The following STYX variants were observed in gnomAD, a reference collection of about 807,000 sequenced individuals.
The protein encoded by STYX is serine/threonine/tyrosine-interacting protein.
STYX carries 20 observed loss-of-function variants against 42.7 expected under a neutral mutation model. The ratio of observed to expected loss-of-function variants is 0.47; its 90% CI spans 0.33 to 0.68. The LOEUF (loss-of-function observed/expected upper bound fraction) is 0.68, where lower values mean the gene tolerates loss of function less well. Ranked by LOEUF, STYX falls within the 30% of genes least tolerant of loss-of-function variation. The pLI is 0.02. For missense variants in STYX, 226 were observed against 268.5 expected, an observed-to-expected ratio of 0.84 and a Z score of 1.11; for synonymous variants, 78 against 81.9, an observed-to-expected ratio of 0.95 and a Z score of 0.26.
intron 4 of STYX, among the ~76,000 whole-genome samples, chr14:52,755,471 TA>T (rs1881826231): frequency 2.0e-5 from 3 of 152,148 alleles, no homozygotes; most frequent in Admixed American, 2.0e-4. Flanking sequence ...TGTTACCACC[TA>T]AATGATCATT....
rs1006567063 is a variant in STYX at position 52,773,683 on chromosome 14, A to G, written c.*2577A>G. ...CAAACCATGAAGTTTATTATTTCATATAAGAACATTACAGGTTTGTTTTTT... is the reference window on the plus strand; with the variant it reads ...CAAACCATGAAGTTTATTATTTCATGTAAGAACATTACAGGTTTGTTTTTT... On this transcript the variant is annotated 3_prime_UTR_variant, in exon 11 of 11. Transcript: ENST00000354586. The G allele has an allele frequency of 6.6e-6, 1 of 152,162 alleles. No homozygotes were observed. The highest frequency in any genetic ancestry group is 2.4e-5 in the African/African-American group (1 of 41,408). 9.4% of individuals were successfully genotyped at this position (152,162 alleles called of 1,614,324 possible). A position where few individuals can be genotyped will look rare whatever the true frequency, so the allele number is the denominator to read the frequency against.
intron 1 of STYX, 68 bp from the exon 2 acceptor site, chr14:52,744,784 A>G: frequency 6.9e-7 from 1 of 1,447,424 alleles, no homozygotes; most frequent in Non-Finnish European, 9.7e-7. Context: ...TGTGTGTCAC[A>G]TCTTTAGCCT....
At chr14:52,740,894 A>G (rs968444902) in intron 1 of STYX, among the ~76,000 whole-genome samples, 5 of 152,228 alleles carry the variant, frequency 3.3e-5, no homozygotes, top group Admixed American at 1.3e-4. Context: ...GGTTACATCT[A>G]TTTCCAGGCA....
chr14:52,768,824 C>T lies in STYX; in HGVS notation c.505-16C>T. On this transcript the variant is annotated splice_polypyrimidine_tract_variant and intron_variant, in intron 9 of 10. Coordinates refer to ENST00000354586, the MANE Select transcript of STYX (RefSeq NM_145251.4). ...GTAAATATATAATTAAGTTAATTAA[C>T]TTATTTTTTTTTTAGGAATATGAAG... The T allele has an allele frequency of 2.3e-6, 3 of 1,291,198 alleles. No homozygotes were observed. The South Asian group carries it at 4.5e-5, about 19-fold the overall frequency. The allele number at this position is 1,291,198 out of a possible 1,614,324, so 80.0% of individuals were successfully genotyped here.
intron 9 of STYX, among the ~76,000 whole-genome samples, chr14:52,766,023 G>T (rs1173782692): frequency 6.6e-6 from 1 of 152,064 alleles, no homozygotes; most frequent in South Asian, 2.1e-4. Context: ...TTTTGAGGGG[G>T]TCTCGCACTG....
At chr14:52,755,662 G>C (rs1881831850) in intron 4 of STYX, among the ~76,000 whole-genome samples, 1 of 148,348 alleles carries the variant, frequency 6.7e-6, no homozygotes, top group South Asian at 2.1e-4. Flanking sequence ...GTAAAATTCA[G>C]TACAGGTGCT....
At chr14:52,769,538 A>G (rs1882434453) in intron 10 of STYX, among the ~76,000 whole-genome samples, 1 of 152,170 alleles carries the variant, frequency 6.6e-6, no homozygotes. Context: ...AATTGAGGAC[A>G]GGTGATCTGA....
At chr14:52,761,716 G>C (rs143544119) in intron 9 of STYX, among the ~76,000 whole-genome samples, 1 of 149,840 alleles carries the variant, frequency 6.7e-6, no homozygotes, top group Admixed American at 6.6e-5. Context: ...TTACAGGCAC[G>C]TGCCACCACG....
At position 52,773,551 on chromosome 14, in the gene STYX, T is replaced by C. The variant is rs372647627; in HGVS notation, c.*2445T>C. Reference sequence around the variant, plus strand: ...TGGGGTTTCACCATGTTGGCCAGGCTGGTCTCAAACTCCTGACCTCAAGTG... The same window carrying C: ...TGGGGTTTCACCATGTTGGCCAGGCCGGTCTCAAACTCCTGACCTCAAGTG... On this transcript the variant is annotated 3_prime_UTR_variant, in exon 11 of 11. Transcript: ENST00000354586. 10 of 152,240 alleles carry C rather than the reference T, an allele frequency of 6.6e-5. No homozygotes were observed. The highest frequency in any genetic ancestry group is 2.4e-4 in the African/African-American group (10 of 41,536). 9.4% of individuals were successfully genotyped at this position (152,240 alleles called of 1,614,324 possible). A position where few individuals can be genotyped will look rare whatever the true frequency, so the allele number is the denominator to read the frequency against.
At position 52,744,895 on chromosome 14, in the gene STYX, C is replaced by G; in HGVS notation, c.90+11C>G. 6.2e-7 allele frequency: 1 copy of G among 1,612,560 alleles called. No individual in the cohort carries two copies. The highest frequency in any genetic ancestry group is 8.5e-7 in the Non-Finnish European group (1 of 1,179,442). On this transcript the variant is annotated intron_variant, in intron 2 of 10. Transcript: ENST00000354586. ...AGACGAGAGATGCAGGTATGGCAAC[C>G]TTTTCTTTGTTCAAACCAACCCATG...
intron 9 of STYX, among the ~76,000 whole-genome samples, chr14:52,762,209 A>G (rs774804202): frequency 1.2e-4 from 19 of 152,036 alleles, no homozygotes; most frequent in Non-Finnish European, 2.2e-4. Flanking sequence ...TTTTGTGATC[A>G]TTTGTTGGTG....
intron 1 of STYX, among the ~76,000 whole-genome samples, chr14:52,738,851 A>G (rs1404790715): frequency 6.6e-6 from 1 of 152,228 alleles, no homozygotes; most frequent in East Asian, 1.9e-4. Flanking sequence ...ACAAACTGAC[A>G]CAAAGTATCA....
intron 9 of STYX, among the ~76,000 whole-genome samples, chr14:52,760,006 T>A (rs1399940240): frequency 6.6e-6 from 1 of 152,002 alleles, no homozygotes; most frequent in South Asian, 2.1e-4. Flanking sequence ...GAGATCAGCC[T>A]GAGCAACAAA....
chr14:52,737,161 G>A (rs1880989819), intron 1 of STYX, among the ~76,000 whole-genome samples: 1 of 152,078 alleles, frequency 6.6e-6, no homozygotes, highest in African/African-American at 2.4e-5. Flanking sequence ...CATATCCCCT[G>A]TGGATAAGGG....
intron 1 of STYX, among the ~76,000 whole-genome samples, chr14:52,738,092 G>A (rs1305713151): frequency 6.6e-6 from 1 of 152,132 alleles, no homozygotes; most frequent in Non-Finnish European, 1.5e-5. Flanking sequence ...CAGGTTTAAG[G>A]TTTGTTCTGT....
chr14:52,763,510 G>A (rs1452757580), intron 9 of STYX, among the ~76,000 whole-genome samples: 5 of 152,016 alleles, frequency 3.3e-5, no homozygotes, highest in East Asian at 3.9e-4. Flanking sequence ...TGTGTTAGTC[G>A]CATGCTGCAG....
chr14:52,730,167 G>A lies in STYX; in HGVS notation c.-308G>A, dbSNP rs752694474. The A allele has an allele frequency of 4.6e-6, 2 of 439,274 alleles. No individual in the cohort carries two copies. Among genetic ancestry groups the A allele is most frequent in the Non-Finnish European group, 8.1e-6 (2 of 247,154 alleles). The allele number at this position is 439,274 out of a possible 1,614,324, so 27.2% of individuals were successfully genotyped here. A position where few individuals can be genotyped will look rare whatever the true frequency, so the allele number is the denominator to read the frequency against. On this transcript the variant is annotated 5_prime_UTR_variant, in exon 1 of 11. Coordinates refer to ENST00000354586, the MANE Select transcript of STYX (RefSeq NM_145251.4). ...GGGGCGGGAAGGAGGCGGGGAGACG[G>A]TTGTCGGGCTGGTTCCTGTGCTGGA... is the stretch of plus-strand genomic sequence containing the variant.
At chr14:52,732,139 C>A (rs1356611134) in intron 1 of STYX, among the ~76,000 whole-genome samples, 1 of 149,386 alleles carries the variant, frequency 6.7e-6, no homozygotes, top group Non-Finnish European at 1.5e-5. Context: ...TCTTGTTGCC[C>A]CAGGCTGGAG....
At chr14:52,735,801 T>C (rs576698928) in intron 1 of STYX, among the ~76,000 whole-genome samples, 1 of 152,354 alleles carries the variant, frequency 6.6e-6, no homozygotes, top group South Asian at 2.1e-4. Context: ...GATGATTCTG[T>C]CACCTCTACA....
Sources: allele counts gnomAD v4.1 joint callset (sites outside exome capture counted in the v4.1 genomes callset), GRCh38; gene constraint gnomAD v4.1.1; transcripts MANE v1.5; gene names NCBI Gene and HGNC (gene_info 2026-07-23, HGNC 2026-07-21).